Variants in ADGB observed in about 807,000 individuals in gnomAD.
ADGB encodes calpain-7-like protein.
A neutral mutation model predicts 210.5 loss-of-function variants in ADGB; 172 were observed. The ratio of observed to expected loss-of-function variants is 0.82; its 90% CI spans 0.72 to 0.93. ADGB has a LOEUF of 0.93. Among genes scored for constraint, ADGB ranks in the 40% least tolerant of loss-of-function variants. The pLI is 0.00. For missense variants in ADGB, 2,025 were observed against 1,964.8 expected (o/e 1.03, Z -0.58); for synonymous variants, 658 against 662.7 (o/e 0.99, Z 0.11).
At position 146,685,716 on chromosome 6, in the gene ADGB, T is replaced by A. The variant is rs760266379; in HGVS notation, c.1217-18T>A. ...TTTGACTAGAATTTTCACAACATAATGTATGTTTGTTTTACAGGTTCTTCT... is the reference window on the plus strand; with the variant it reads ...TTTGACTAGAATTTTCACAACATAAAGTATGTTTGTTTTACAGGTTCTTCT... On this transcript the variant is annotated intron_variant, in intron 9 of 35. Coordinates refer to ENST00000397944, the MANE Select transcript of ADGB (RefSeq NM_024694.4). 1 of 1,441,516 alleles carries A rather than the reference T, an allele frequency of 6.9e-7. No homozygotes were observed. The highest frequency in any genetic ancestry group is 2.8e-5 in the East Asian group (1 of 35,822). The allele number at this position is 1,441,516 out of a possible 1,614,324, so 89.3% of individuals were successfully genotyped here.
intron 27 of ADGB, among the ~76,000 whole-genome samples, chr6:146,757,075 G>C (rs1777418078): frequency 6.6e-6 from 1 of 151,946 alleles, no homozygotes; most frequent in Admixed American, 6.6e-5. Context: ...CAACAAATAT[G>C]ATTGAGGGAA....
intron 11 of ADGB, among the ~76,000 whole-genome samples, 193 bp from the exon 12 acceptor site, chr6:146,692,632 T>C (rs1244233727): frequency 6.6e-6 from 1 of 152,192 alleles, no homozygotes; most frequent in Non-Finnish European, 1.5e-5. Context: ...ACAAAAGAAA[T>C]TGAATACCGT....
At chr6:146,645,228 G>C (rs929600549) in intron 3 of ADGB, among the ~76,000 whole-genome samples, 3 of 151,908 alleles carry the variant, frequency 2.0e-5, no homozygotes, top group African/African-American at 7.2e-5. Flanking sequence ...TTTCTCTGGT[G>C]CTTATTAGCA....
At chr6:146,666,393 G>A (rs1404135892) in intron 6 of ADGB, among the ~76,000 whole-genome samples, 1 of 151,942 alleles carries the variant, frequency 6.6e-6, no homozygotes, top group East Asian at 1.9e-4. Context: ...ATCTTGACTT[G>A]CCATAGATGA....
chr6:146,604,860 A>G (rs1456097284), intron 1 of ADGB, among the ~76,000 whole-genome samples: 1 of 152,144 alleles, frequency 6.6e-6, no homozygotes, highest in Non-Finnish European at 1.5e-5. Context: ...GGGGTAGAGT[A>G]GAGGAATCAT....
intron 23 of ADGB, among the ~76,000 whole-genome samples, chr6:146,738,550 C>T (rs756222877): frequency 1.4e-5 from 2 of 147,918 alleles, no homozygotes; most frequent in Admixed American, 7.0e-5. Flanking sequence ...CCTGGGTTCA[C>T]GCCATTCTCC....
chr6:146,738,821 T>C (rs1328959882), intron 23 of ADGB, among the ~76,000 whole-genome samples: 2 of 152,108 alleles, frequency 1.3e-5, no homozygotes, highest in East Asian at 3.9e-4. Flanking sequence ...GAACAGACCC[T>C]CTTATACAAG....
chr6:146,759,214 A>G lies in ADGB; in HGVS notation c.3551-4687A>G, dbSNP rs539694371. On this transcript the variant is annotated intron_variant, in intron 27 of 35. Transcript: ENST00000397944. The stretch of plus-strand genomic sequence containing the variant: ...TCTTACCACATGCTAAAGGAAAGAT[A>G]AAACTTCATTGCAAGGATGCAGAAG... Among the ~76,000 whole-genome samples the G allele has an allele frequency of 2.6e-4, 39 of 151,954 alleles. 1 individual carries two copies. Among genetic ancestry groups the G allele is most frequent in the Admixed American group, 5.9e-4 (9 of 15,212 alleles).
chr6:146,692,842 C>G lies in ADGB; in HGVS notation c.1504C>G (p.Pro502Ala). ...DEAQELIVKK[P>A]ERFLEISSPF... ...CTTTTTAGAGTTAATAGTAAAGAAGCCTGAACGGTTCCTTGAGATTTCAAG... is the reference window on the plus strand; with the variant it reads ...CTTTTTAGAGTTAATAGTAAAGAAGGCTGAACGGTTCCTTGAGATTTCAAG... Residue 502 changes from proline to alanine, a missense_variant, in exon 12 of 36, where the codon CCT becomes GCT. Pro to Ala is a conservative substitution (Grantham distance 27). Coordinates refer to ENST00000397944, the MANE Select transcript of ADGB (RefSeq NM_024694.4). 1 of 1,534,318 alleles carries G rather than the reference C, an allele frequency of 6.5e-7. No homozygotes were observed. Among genetic ancestry groups the G allele is most frequent in the Middle Eastern group, 1.7e-4 (1 of 5,828 alleles).
chr6:146,790,469 T>A (rs1777938568), intron 33 of ADGB, among the ~76,000 whole-genome samples: 3 of 152,224 alleles, frequency 2.0e-5, no homozygotes, highest in Admixed American at 2.0e-4. Context: ...CTGGCTTTTT[T>A]ACTTAGCATC....
intron 35 of ADGB, chr6:146,803,426 GC>G: frequency 6.2e-7 from 1 of 1,608,314 alleles, no homozygotes; most frequent in Non-Finnish European, 8.5e-7. Context: ...CCATGTCACA[GC>G]CCCCACCTTC....
intron 35 of ADGB, 113 bp downstream of exon 35, chr6:146,802,124 G>C: frequency 2.7e-6 from 2 of 745,448 alleles, no homozygotes; most frequent in South Asian, 8.2e-5. Context: ...GAAAACATAG[G>C]TTTCTATTAT....
chr6:146,734,046 C>T lies in ADGB; in HGVS notation c.2794+16C>T. ...AGAATACCAGGTATGATTGTCCAAA[C>T]ATTTATAAAATGAACTTGTTTGTAT... On this transcript the variant is annotated intron_variant, in intron 22 of 35. Coordinates refer to ENST00000397944, the MANE Select transcript of ADGB (RefSeq NM_024694.4). 1 of 1,545,418 alleles carries T rather than the reference C, an allele frequency of 6.5e-7. No individual in the cohort carries two copies. The highest frequency in any genetic ancestry group is 2.4e-5 in the East Asian group (1 of 40,850).
At chr6:146,723,768 G>A (rs997410955) in intron 17 of ADGB, among the ~76,000 whole-genome samples, 2 of 151,984 alleles carry the variant, frequency 1.3e-5, no homozygotes, top group Non-Finnish European at 2.9e-5. Flanking sequence ...GATAAACAGT[G>A]GGATATTTGG....
chr6:146,623,292 T>C (rs1305884444), intron 1 of ADGB, among the ~76,000 whole-genome samples: 1 of 152,014 alleles, frequency 6.6e-6, no homozygotes, highest in Non-Finnish European at 1.5e-5. Context: ...GTCTTAACTA[T>C]ATTGAATCTT....
At chr6:146,723,691 C>T (rs564676862) in intron 17 of ADGB, among the ~76,000 whole-genome samples, 2 of 152,174 alleles carry the variant, frequency 1.3e-5, no homozygotes, top group Non-Finnish European at 2.9e-5. Context: ...AAACCGAGAT[C>T]GCACCACTGC....
At chr6:146,674,985 C>T (rs1455499622) in intron 8 of ADGB, among the ~76,000 whole-genome samples, 2 of 152,014 alleles carry the variant, frequency 1.3e-5, no homozygotes, top group Non-Finnish European at 2.9e-5. Flanking sequence ...TCAAATATTG[C>T]TTCCTAAAAT....
chr6:146,759,155 A>T (rs1045496521), intron 27 of ADGB, among the ~76,000 whole-genome samples: 1 of 151,892 alleles, frequency 6.6e-6, no homozygotes, highest in African/African-American at 2.4e-5. Context: ...ATCAAGGTAC[A>T]CACTACCTTG....
chr6:146,742,254 T>C (rs1465185838), intron 25 of ADGB, among the ~76,000 whole-genome samples: 2 of 152,058 alleles, frequency 1.3e-5, no homozygotes, highest in Non-Finnish European at 2.9e-5. Flanking sequence ...TATACATATA[T>C]AATCTGTTTT....
Sources: gnomAD v4.1 joint callset for allele counts (sites outside exome capture counted in the v4.1 genomes callset) on GRCh38, gnomAD v4.1.1 for gene constraint, MANE v1.5 for transcripts, NCBI Gene and HGNC (gene_info 2026-07-23, HGNC 2026-07-21) for gene names.